PDZRN4: variants seen among roughly 807,000 people sequenced by gnomAD.
The protein encoded by PDZRN4 is PDZ domain-containing RING finger protein 4.
A neutral mutation model predicts 99.0 loss-of-function variants in PDZRN4; 70 were observed. The observed-to-expected ratio is 0.71, with a 90% confidence interval of 0.58 to 0.86. PDZRN4 has a LOEUF of 0.86. PDZRN4 is among the 40% of genes least tolerant of loss of function. The pLI, the probability that PDZRN4 is intolerant of heterozygous loss-of-function variation, is 0.00. For missense variants in PDZRN4, 1,474 were observed against 1,331.2 expected (o/e 1.11, Z -1.67); for synonymous variants, 551 against 501.6 (o/e 1.10, Z -1.32).
intron 3 of PDZRN4, among the ~76,000 whole-genome samples, chr12:41,480,141 G>C (rs887395728): frequency 3.9e-5 from 6 of 152,030 alleles, no homozygotes; most frequent in African/African-American, 1.4e-4. Flanking sequence ...CTTCTCTCAT[G>C]CACGATAATC....
intron 3 of PDZRN4, among the ~76,000 whole-genome samples, chr12:41,414,731 C>T (rs1952429462): frequency 6.6e-6 from 1 of 151,984 alleles, no homozygotes; most frequent in African/African-American, 2.4e-5. Context: ...ATAATTAAAA[C>T]TATGATAACT....
intron 5 of PDZRN4, among the ~76,000 whole-genome samples, chr12:41,510,676 T>C (rs1343143320): frequency 6.6e-6 from 1 of 152,124 alleles, no homozygotes; most frequent in Non-Finnish European, 1.5e-5. Context: ...GCCCTTTTAA[T>C]GCTTCAGGTG....
chr12:41,490,964 G>C (rs1026555334), intron 3 of PDZRN4, among the ~76,000 whole-genome samples: 1 of 152,138 alleles, frequency 6.6e-6, no homozygotes, highest in South Asian at 2.1e-4. Context: ...AGACAGAGCA[G>C]AGGAGGCTTC....
At chr12:41,321,100 A>G (rs550270069) in intron 3 of PDZRN4, among the ~76,000 whole-genome samples, 58 of 152,298 alleles carry the variant, frequency 3.8e-4, no homozygotes, top group African/African-American at 1.4e-3. Context: ...TTTTTCTTAC[A>G]TACTGGGAAA....
intron 3 of PDZRN4, among the ~76,000 whole-genome samples, chr12:41,498,481 G>T (rs1433529601): frequency 6.6e-6 from 1 of 152,144 alleles, no homozygotes; most frequent in East Asian, 1.9e-4. Flanking sequence ...ATAACATGGT[G>T]GAAGGCACCA....
At chr12:41,282,374 A>C in intron 3 of PDZRN4, among the ~76,000 whole-genome samples, 1 of 152,240 alleles carries the variant, frequency 6.6e-6, no homozygotes, top group East Asian at 1.9e-4. Flanking sequence ...TCATAAAGCA[A>C]GTTATTAGAG....
At chr12:41,426,894 C>G (rs1952541630) in intron 3 of PDZRN4, among the ~76,000 whole-genome samples, 1 of 152,172 alleles carries the variant, frequency 6.6e-6, no homozygotes, top group South Asian at 2.1e-4. Flanking sequence ...CCAGGCCCAT[C>G]TCAGATTTGC....
intron 5 of PDZRN4, among the ~76,000 whole-genome samples, chr12:41,539,961 C>T (rs545286009): frequency 5.3e-4 from 80 of 151,918 alleles, no homozygotes; most frequent in African/African-American, 1.8e-3. Flanking sequence ...ATTGCCAGTA[C>T]AGTAAAGATG....
chr12:41,527,747 C>A (rs1368276270), intron 5 of PDZRN4, among the ~76,000 whole-genome samples: 2 of 152,174 alleles, frequency 1.3e-5, no homozygotes, highest in Non-Finnish European at 2.9e-5. Context: ...CCAAGACAGT[C>A]ACCTGTCAAA....
chr12:41,518,694 T>C (rs892234635), intron 5 of PDZRN4, among the ~76,000 whole-genome samples: 1 of 152,102 alleles, frequency 6.6e-6, no homozygotes, highest in Non-Finnish European at 1.5e-5. Context: ...TTTATTATTA[T>C]ATAACCTTTA....
chr12:41,521,169 C>G (rs1938486713), intron 5 of PDZRN4, among the ~76,000 whole-genome samples: 1 of 152,074 alleles, frequency 6.6e-6, no homozygotes, highest in Non-Finnish European at 1.5e-5. Context: ...TGCCCTCTTA[C>G]AGATATTCTC....
intron 3 of PDZRN4, among the ~76,000 whole-genome samples, chr12:41,199,019 T>C (rs952612982): frequency 6.6e-6 from 1 of 152,184 alleles, no homozygotes; most frequent in Non-Finnish European, 1.5e-5. Flanking sequence ...ATAGTCAGAA[T>C]GCAGCTGTTA....
intron 3 of PDZRN4, among the ~76,000 whole-genome samples, chr12:41,250,915 T>G (rs912933319): frequency 1.4e-4 from 21 of 152,214 alleles, no homozygotes; most frequent in African/African-American, 4.8e-4. Context: ...TGCTTGAGTA[T>G]CACAAAGAAC....
At chr12:41,460,507 A>G (rs923764644) in intron 3 of PDZRN4, among the ~76,000 whole-genome samples, 1 of 152,176 alleles carries the variant, frequency 6.6e-6, no homozygotes, top group East Asian at 1.9e-4. Context: ...TTAGGAGCAA[A>G]TTCCTGTACC....
rs566406370 is a variant in PDZRN4 at position 41,301,549 on chromosome 12, A to T, written c.843+107361A>T. On this transcript the variant is annotated intron_variant, in intron 3 of 9. Coordinates refer to ENST00000402685, the MANE Select transcript of PDZRN4 (RefSeq NM_001164595.2). ...TTATTGGGATTCTATGTCTTCCTGT[A>T]CATAATTCAGAAGTTTTTAATATCT... Among the ~76,000 whole-genome samples, 23 of 152,200 alleles carry T rather than the reference A, an allele frequency of 1.5e-4. No individual in the cohort carries two copies. The Middle Eastern group carries it at 0.017, about 113-fold the overall frequency.
At chr12:41,514,016 T>C (rs536893791) in intron 5 of PDZRN4, among the ~76,000 whole-genome samples, 6 of 152,166 alleles carry the variant, frequency 3.9e-5, no homozygotes, top group African/African-American at 1.4e-4. Flanking sequence ...CCCTCAATGA[T>C]CAGGCAAAGA....
At chr12:41,266,597 A>C (rs902894739) in intron 3 of PDZRN4, among the ~76,000 whole-genome samples, 2 of 152,220 alleles carry the variant, frequency 1.3e-5, no homozygotes, top group Non-Finnish European at 2.9e-5. Flanking sequence ...GAAATTATTA[A>C]AGAAGAATGG....
At chr12:41,506,428 G>A in intron 3 of PDZRN4, 28 bp from the exon 4 acceptor site, 2 of 1,572,702 alleles carry the variant, frequency 1.3e-6, no homozygotes, top group Non-Finnish European at 1.7e-6. Context: ...TTTCCTCTGA[G>A]ATGAACAATG....
chr12:41,220,753 A>C (rs1198542772), intron 3 of PDZRN4, among the ~76,000 whole-genome samples: 1 of 152,206 alleles, frequency 6.6e-6, no homozygotes, highest in East Asian at 1.9e-4. Context: ...GGCAATTCAG[A>C]AAAATGTTAG....
Sources: gnomAD v4.1 joint callset for allele counts (sites outside exome capture counted in the v4.1 genomes callset) on GRCh38, gnomAD v4.1.1 for gene constraint, MANE v1.5 for transcripts, NCBI Gene and HGNC (gene_info 2026-07-23, HGNC 2026-07-21) for gene names.